Variants in FMN1 observed in about 807,000 individuals in gnomAD.
FMN1 encodes formin 1.
A neutral mutation model predicts 132.4 loss-of-function variants in FMN1; 110 were observed. The observed-to-expected ratio is 0.83, with a 90% CI of 0.71 to 0.97. FMN1 has a LOEUF of 0.97. Ranked by LOEUF, FMN1 falls within the 50% of genes least tolerant of loss-of-function variation. The pLI is 0.00. For missense variants in FMN1, 1,792 were observed against 1,705.3 expected (o/e 1.05, Z -0.90); for synonymous variants, 722 against 651.7 (o/e 1.11, Z -1.64).
intron 17 of FMN1, among the ~76,000 whole-genome samples, chr15:32,817,895 G>A (rs961495246): frequency 6.6e-6 from 1 of 152,136 alleles, no homozygotes; most frequent in Non-Finnish European, 1.5e-5. Context: ...ACATTGATAT[G>A]GTAACAATTT....
chr15:33,188,786 G>A (rs1227050415), intron 2 of FMN1, among the ~76,000 whole-genome samples: 1 of 152,028 alleles, frequency 6.6e-6, no homozygotes, highest in Non-Finnish European at 1.5e-5. Flanking sequence ...AAGAGAAGTT[G>A]AGTGATGTAA....
At chr15:32,797,296 A>G (rs2057321554) in intron 19 of FMN1, among the ~76,000 whole-genome samples, 1 of 152,216 alleles carries the variant, frequency 6.6e-6, no homozygotes, top group Non-Finnish European at 1.5e-5. Flanking sequence ...GGACAAATAT[A>G]CTAAGGACTG....
At chr15:33,127,608 A>C (rs867741150) in intron 4 of FMN1, among the ~76,000 whole-genome samples, 1 of 150,784 alleles carries the variant, frequency 6.6e-6, no homozygotes, top group African/African-American at 2.4e-5. Flanking sequence ...CAACCAAGAC[A>C]GAAGTTAAAA....
intron 7 of FMN1, among the ~76,000 whole-genome samples, chr15:32,997,068 A>G (rs1018381787): frequency 3.9e-5 from 6 of 152,228 alleles, no homozygotes; most frequent in Non-Finnish European, 7.3e-5. Flanking sequence ...ATTAACTTCT[A>G]TGAGATTCAG....
intron 4 of FMN1, among the ~76,000 whole-genome samples, chr15:33,126,931 T>G (rs1043473767): frequency 1.3e-5 from 2 of 152,154 alleles, no homozygotes; most frequent in African/African-American, 2.4e-5. Flanking sequence ...TGATTAAACG[T>G]AAGGTGACTC....
At chr15:32,896,461 G>A (rs1297347191) in intron 15 of FMN1, among the ~76,000 whole-genome samples, 1 of 152,050 alleles carries the variant, frequency 6.6e-6, no homozygotes, top group Admixed American at 6.5e-5. Flanking sequence ...CATGATATCT[G>A]TTCTCTTAAA....
intron 17 of FMN1, among the ~76,000 whole-genome samples, chr15:32,825,551 T>G (rs1253359889): frequency 6.6e-6 from 1 of 152,208 alleles, no homozygotes; most frequent in Non-Finnish European, 1.5e-5. Flanking sequence ...ATACCAGCCC[T>G]CTTCAGCCAA....
intron 4 of FMN1, among the ~76,000 whole-genome samples, chr15:33,124,282 G>GA (rs1962844044): frequency 1.3e-5 from 2 of 152,204 alleles, no homozygotes; most frequent in Admixed American, 1.3e-4. Flanking sequence ...ATTCACTGTA[G>GA]AAAAGTTCTG....
intron 12 of FMN1, 116 bp downstream of exon 12, chr15:32,908,374 G>C (rs369054893): frequency 1.5e-6 from 1 of 670,360 alleles, no homozygotes; most frequent in Admixed American, 2.4e-5. Flanking sequence ...CAGGAATGAC[G>C]GTGTTGTGAT....
intron 17 of FMN1, among the ~76,000 whole-genome samples, chr15:32,828,686 T>A (rs1403232685): frequency 6.6e-6 from 1 of 152,224 alleles, no homozygotes; most frequent in South Asian, 2.1e-4. Flanking sequence ...TAAAATATTG[T>A]CACGACTCAG....
chr15:32,994,232 T>TCTCTCTCTCTCA (rs904998781), intron 7 of FMN1, among the ~76,000 whole-genome samples: 66 of 37,260 alleles, frequency 1.8e-3, no homozygotes, highest in African/African-American at 3.1e-3. Context: ...TCTCTCTCTC[T>TCTCTCTCTCTCA]CACACACACA....
At chr15:33,100,983 T>C (rs1436964723) in intron 4 of FMN1, among the ~76,000 whole-genome samples, 3 of 152,198 alleles carry the variant, frequency 2.0e-5, no homozygotes, top group African/African-American at 4.8e-5. Context: ...TTTAAACACA[T>C]AAAAGAGATC....
intron 7 of FMN1, among the ~76,000 whole-genome samples, chr15:32,979,371 T>C (rs939706972): frequency 1.4e-4 from 21 of 151,818 alleles, no homozygotes; most frequent in African/African-American, 4.8e-4. Context: ...CTGGCTAACA[T>C]GGTGAAACCC....
chr15:33,161,401 T>A (rs550757629), intron 3 of FMN1, among the ~76,000 whole-genome samples: 30 of 152,268 alleles, frequency 2.0e-4, no homozygotes, highest in African/African-American at 7.2e-4. Flanking sequence ...TATAGTTTGG[T>A]AGTAGGCGTG....
At chr15:32,947,615 T>C (rs1458588484) in intron 9 of FMN1, among the ~76,000 whole-genome samples, 1 of 152,072 alleles carries the variant, frequency 6.6e-6, no homozygotes, top group Non-Finnish European at 1.5e-5. Flanking sequence ...ATTAACATCT[T>C]TATAATATTG....
intron 7 of FMN1, among the ~76,000 whole-genome samples, chr15:32,978,521 A>G (rs1469412170): frequency 6.6e-6 from 1 of 152,238 alleles, no homozygotes; most frequent in African/African-American, 2.4e-5. Flanking sequence ...TTAGGCAATG[A>G]GCCAACATAC....
At chr15:32,967,366 C>T (rs1026089933) in intron 8 of FMN1, among the ~76,000 whole-genome samples, 2 of 152,176 alleles carry the variant, frequency 1.3e-5, no homozygotes, top group African/African-American at 4.8e-5. Flanking sequence ...AACAGCTCCC[C>T]GTGCTGTCGG....
chr15:33,037,010 T>C (rs2036222144), intron 6 of FMN1, among the ~76,000 whole-genome samples: 1 of 152,282 alleles, frequency 6.6e-6, no homozygotes, highest in Non-Finnish European at 1.5e-5. Context: ...TTCTGCTATA[T>C]TTCCTTTTGT....
At chr15:32,985,742 G>T (rs75904626) in intron 7 of FMN1, among the ~76,000 whole-genome samples, 1 of 151,844 alleles carries the variant, frequency 6.6e-6, no homozygotes, top group African/African-American at 2.4e-5. Context: ...CACAGACATG[G>T]AAGTTTGTTT....
Sources: gnomAD v4.1 joint callset for allele counts (sites outside exome capture counted in the v4.1 genomes callset) on GRCh38, gnomAD v4.1.1 for gene constraint, MANE v1.5 for transcripts, NCBI Gene and HGNC (gene_info 2026-07-23, HGNC 2026-07-21) for gene names.